The following ZNF566 variants were observed in gnomAD, a reference collection of about 807,000 sequenced individuals.
ZNF566 encodes the protein zinc finger protein 566.
In ZNF566, 27 loss-of-function variants were observed where a neutral mutation model predicts 32.8. The observed-to-expected ratio is 0.82, with a 90% CI of 0.61 to 1.14. The LOEUF is 1.14. Ranked by LOEUF, ZNF566 falls within the 50% of genes most tolerant of loss-of-function variation. The probability of loss-of-function intolerance (pLI) is 0.00; values close to 1 mark genes in which losing one functional copy is unlikely to be tolerated. For synonymous variants in ZNF566, 154 were observed against 159.5 expected (o/e 0.97, Z 0.26); for missense variants, 402 against 490.4 (o/e 0.82, Z 1.70).
intron 4 of ZNF566, among the ~76,000 whole-genome samples, chr19:36,451,402 C>T (rs1253997441): frequency 6.6e-6 from 1 of 152,054 alleles, no homozygotes; most frequent in Non-Finnish European, 1.5e-5. Context: ...GAGATGCTGA[C>T]CTTTGTTAAA....
At chr19:36,477,996 C>T (rs1490828094) in intron 1 of ZNF566, among the ~76,000 whole-genome samples, 2 of 152,044 alleles carry the variant, frequency 1.3e-5, no homozygotes, top group Non-Finnish European at 2.9e-5. Context: ...ACTTAATAAA[C>T]TTAAAATTAT....
At chr19:36,459,823 T>C (rs1468668256) in intron 4 of ZNF566, among the ~76,000 whole-genome samples, 1 of 149,972 alleles carries the variant, frequency 6.7e-6, no homozygotes, top group African/African-American at 2.4e-5. Flanking sequence ...CTATTACTTT[T>C]TTTTTTTTTT....
At chr19:36,487,834 T>G (rs1202361194) in intron 1 of ZNF566, among the ~76,000 whole-genome samples, 1 of 141,938 alleles carries the variant, frequency 7.0e-6, no homozygotes, top group South Asian at 2.2e-4. Context: ...GAGGCGGAGG[T>G]TGCAGTGAGC....
intron 3 of ZNF566, 72 bp from the exon 4 acceptor site, chr19:36,473,078 T>C: frequency 7.3e-7 from 1 of 1,378,070 alleles, no homozygotes; most frequent in Non-Finnish European, 1.0e-6. Flanking sequence ...GTCCCTTCAT[T>C]ATAAAGAAAG....
intron 4 of ZNF566, among the ~76,000 whole-genome samples, chr19:36,471,703 C>T (rs1275196782): frequency 1.3e-5 from 2 of 152,010 alleles, no homozygotes; most frequent in East Asian, 1.9e-4. Flanking sequence ...ATGTCTCTCC[C>T]TACACTGTGG....
intron 4 of ZNF566, 31 bp from the exon 5 acceptor site, chr19:36,450,032 A>G (rs754776469): frequency 1.3e-6 from 2 of 1,542,300 alleles, no homozygotes; most frequent in Non-Finnish European, 1.7e-6. Flanking sequence ...AATCACTCAC[A>G]TTTTTCTTGT....
chr19:36,459,819 CT>C (rs77529506), intron 4 of ZNF566, among the ~76,000 whole-genome samples: 59,943 of 135,104 alleles, frequency 0.44, 13,115 homozygotes, highest in East Asian at 0.67. Context: ...CCACCTATTA[CT>C]TTTTTTTTTT....
rs758279427 is a variant in ZNF566, at chr19:36,473,005, C to T, written c.138G>A (p.Gly46=). The T allele has an allele frequency of 6.2e-7, 1 of 1,610,908 alleles. No homozygotes were observed. Among genetic ancestry groups the T allele is most frequent in the Non-Finnish European group, 8.5e-7 (1 of 1,178,924 alleles). Residue 46 remains glycine (G), a splice_region_variant and synonymous_variant, in exon 4 of 5, where the codon GGG becomes GGA. Transcript: ENST00000452939. ...LENYSNLVSM[G]HSISKPNVIS... is the part of the protein sequence containing the mutation. Reference sequence around the variant, plus strand: ...TCACATTTGGTTTAGAAATAGAATGCCCTGCTTACAAAAGAAGTAACAAAA... The same window carrying T: ...TCACATTTGGTTTAGAAATAGAATGTCCTGCTTACAAAAGAAGTAACAAAA...
rs1163672693 is a variant in ZNF566 at position 36,447,056 on chromosome 19, C to T, written c.*1921G>A. 3 of 151,068 alleles carry T rather than the reference C, an allele frequency of 2.0e-5. No homozygotes were observed. The highest frequency in any genetic ancestry group is 2.4e-5 in the African/African-American group (1 of 41,000). The allele number at this position is 151,068 out of a possible 1,614,324, so 9.4% of individuals were successfully genotyped here. ...TTTTTTTAATAGTCTCATTCTGTCGCTCAGGCTGAAGTGCCATGGCGTGAT... is the reference window on the plus strand; with the variant it reads ...TTTTTTTAATAGTCTCATTCTGTCGTTCAGGCTGAAGTGCCATGGCGTGAT... On this transcript the variant is annotated 3_prime_UTR_variant, in exon 5 of 5. Coordinates refer to ENST00000452939, the MANE Select transcript of ZNF566 (RefSeq NM_001145344.1).
intron 4 of ZNF566, among the ~76,000 whole-genome samples, chr19:36,451,538 T>C (rs1044301715): frequency 1.3e-5 from 2 of 152,130 alleles, no homozygotes; most frequent in Non-Finnish European, 2.9e-5. Flanking sequence ...TACTGACAGA[T>C]CAGAGATACT....
intron 4 of ZNF566, among the ~76,000 whole-genome samples, chr19:36,459,440 C>A (rs1013896589): frequency 1.3e-5 from 2 of 151,306 alleles, no homozygotes; most frequent in African/African-American, 4.9e-5. Flanking sequence ...GTCTTGAACT[C>A]CTGACCGTGT....
chr19:36,482,330 C>T (rs1345008809), intron 1 of ZNF566, among the ~76,000 whole-genome samples: 2 of 152,140 alleles, frequency 1.3e-5, no homozygotes, highest in Non-Finnish European at 2.9e-5. Flanking sequence ...TGGTCTTGAT[C>T]TCCTGACCTC....
At chr19:36,476,383 TAG>T in intron 2 of ZNF566, 164 bp downstream of exon 2, 1 of 515,284 alleles carries the variant, frequency 1.9e-6, no homozygotes, top group South Asian at 3.6e-5. Flanking sequence ...ATTGGCCTGT[TAG>T]AGATCCTTTC....
chr19:36,449,892 C>G lies in ZNF566; in HGVS notation c.342G>C (p.Gln114His). ...CCCAATCATCTCTGAAACTGGAGCA[C>G]TGAAAATCACGTCTTGTGAGTTTTT... ...IMEKLTRRDF[Q>H]CSSFRDDWEC... The change falls in exon 5 of 5, where the codon CAG (glutamine) becomes CAC (histidine). Residue 114 changes from glutamine (Q) to histidine (H), a missense_variant. By Grantham distance (24) the Gln-to-His change is conservative. Transcript: ENST00000452939. 1 of 1,614,118 alleles carries G rather than the reference C, an allele frequency of 6.2e-7. No individual in the cohort carries two copies. The highest frequency in any genetic ancestry group is 8.5e-7 in the Non-Finnish European group (1 of 1,180,022).
intron 4 of ZNF566, among the ~76,000 whole-genome samples, chr19:36,460,922 A>C (rs1174087451): frequency 1.3e-5 from 2 of 152,250 alleles, no homozygotes; most frequent in Admixed American, 6.5e-5. Flanking sequence ...TTGTGCTGAA[A>C]AAAAGAGTTG....
In ZNF566 at chr19:36,473,973, C is replaced by T. The variant is rs570443201; in HGVS notation, c.10-515G>A. Among the ~76,000 whole-genome samples the T allele has an allele frequency of 3.3e-5, 5 of 152,188 alleles. No homozygotes were observed. In the East Asian group the frequency reaches 5.8e-4, roughly 18 times the overall value. ...CTCTAAAAGCAAGAAACAATAAGAA[C>T]GATTCTTCAATATTCTGATGGAGAA... is the stretch of plus-strand genomic sequence containing the variant. On this transcript the variant is annotated intron_variant, in intron 2 of 4. Coordinates refer to ENST00000452939, the MANE Select transcript of ZNF566 (RefSeq NM_001145344.1).
At position 36,448,315 on chromosome 19, in the gene ZNF566, G is replaced by C. The variant is rs2033046495; in HGVS notation, c.*662C>G. The C allele has an allele frequency of 6.6e-6, 1 of 152,126 alleles. No homozygotes were observed. The highest frequency in any genetic ancestry group is 6.6e-5 in the Admixed American group (1 of 15,262). The allele number at this position is 152,126 out of a possible 1,614,324, so 9.4% of individuals were successfully genotyped here. Reference sequence around the variant, plus strand: ...GGCATGTATTATGGCAAAATATCTAGAGGAGACTACGATATCCACCAATAG... The same window carrying C: ...GGCATGTATTATGGCAAAATATCTACAGGAGACTACGATATCCACCAATAG... On this transcript the variant is annotated 3_prime_UTR_variant, in exon 5 of 5. Coordinates refer to ENST00000452939, the MANE Select transcript of ZNF566 (RefSeq NM_001145344.1).
intron 4 of ZNF566, among the ~76,000 whole-genome samples, chr19:36,453,954 G>C (rs1365332948): frequency 6.6e-6 from 1 of 152,202 alleles, no homozygotes. Context: ...CTCCCAAGTA[G>C]CTGGGATTAC....
chr19:36,473,911 T>A (rs1301863608), intron 2 of ZNF566, among the ~76,000 whole-genome samples: 5 of 152,006 alleles, frequency 3.3e-5, no homozygotes, highest in African/African-American at 1.2e-4. Context: ...ATAAAAGGCA[T>A]CAAAAATTAG....
Sources: gnomAD v4.1 joint callset for allele counts (sites outside exome capture counted in the v4.1 genomes callset) on GRCh38, gnomAD v4.1.1 for gene constraint, MANE v1.5 for transcripts, NCBI Gene and HGNC (gene_info 2026-07-23, HGNC 2026-07-21) for gene names.